ENOX1: variants seen among roughly 807,000 people sequenced by gnomAD.
ENOX1 encodes the protein ecto-NOX disulfide-thiol exchanger 1, also known as candidate growth-related and time keeping constitutive hydroquinone (NADH) oxidase.
A neutral mutation model predicts 82.5 loss-of-function variants in ENOX1; 42 were observed. The ratio of observed to expected loss-of-function variants is 0.51; its 90% CI spans 0.40 to 0.66. ENOX1 has a LOEUF of 0.66. Ranked by LOEUF, ENOX1 falls within the 30% of genes least tolerant of loss-of-function variation. ENOX1 has a pLI of 0.00. For missense variants in ENOX1, 608 were observed against 811.6 expected, an observed-to-expected ratio of 0.75 and a Z score of 3.05; for synonymous variants, 271 against 282.2, an observed-to-expected ratio of 0.96 and a Z score of 0.40.
chr13:43,542,507 C>T (rs1423767139), intron 2 of ENOX1, among the ~76,000 whole-genome samples: 2 of 149,646 alleles, frequency 1.3e-5, no homozygotes, highest in African/African-American at 5.0e-5. Flanking sequence ...ACGATCTTGG[C>T]TCACTGCAAC....
intron 2 of ENOX1, among the ~76,000 whole-genome samples, chr13:43,489,752 G>A (rs2076556426): frequency 6.6e-6 from 1 of 152,306 alleles, no homozygotes; most frequent in Middle Eastern, 3.4e-3. Context: ...GTCTCCTGGA[G>A]GCTTGGAGAC....
chr13:43,324,483 G>GA (rs1457253249), intron 10 of ENOX1, among the ~76,000 whole-genome samples: 2 of 152,136 alleles, frequency 1.3e-5, no homozygotes, highest in South Asian at 2.1e-4. Flanking sequence ...GGGAATGTGG[G>GA]AAAAAATCAA....
chr13:43,593,128 C>T (rs192514185), intron 2 of ENOX1, among the ~76,000 whole-genome samples: 201 of 152,242 alleles, frequency 1.3e-3, no homozygotes, highest in African/African-American at 4.7e-3. Flanking sequence ...GTAGAGAAGA[C>T]CAGCAGCCTA....
chr13:43,346,541 G>A (rs893638322), intron 8 of ENOX1, among the ~76,000 whole-genome samples: 1 of 152,198 alleles, frequency 6.6e-6, no homozygotes, highest in African/African-American at 2.4e-5. Context: ...CACTTACTGA[G>A]TATCGTAGCC....
At chr13:43,405,519 C>T (rs1162751018) in intron 5 of ENOX1, among the ~76,000 whole-genome samples, 2 of 152,156 alleles carry the variant, frequency 1.3e-5, no homozygotes, top group African/African-American at 4.8e-5. Context: ...AGCCATCTTA[C>T]CCATCCTTCT....
At chr13:43,708,285 A>AT in intron 1 of ENOX1, among the ~76,000 whole-genome samples, 1 of 152,194 alleles carries the variant, frequency 6.6e-6, no homozygotes, top group Non-Finnish European at 1.5e-5. Context: ...CGGACAGGCC[A>AT]TTGCGCATGT....
chr13:43,264,388 T>C (rs1033456604), intron 14 of ENOX1, among the ~76,000 whole-genome samples: 1 of 152,224 alleles, frequency 6.6e-6, no homozygotes, highest in Non-Finnish European at 1.5e-5. Context: ...ACTAGTCTTA[T>C]ATTTCTTTGT....
intron 2 of ENOX1, among the ~76,000 whole-genome samples, chr13:43,604,195 A>G (rs2081876183): frequency 6.6e-6 from 1 of 150,802 alleles, no homozygotes; most frequent in Non-Finnish European, 1.5e-5. Flanking sequence ...TCTTTTGAGA[A>G]GTGTCTGTTC....
chr13:43,379,133 C>T (rs143865668), intron 5 of ENOX1, among the ~76,000 whole-genome samples: 11 of 152,218 alleles, frequency 7.2e-5, no homozygotes, highest in African/African-American at 2.6e-4. Context: ...AGAAATGCAG[C>T]CCCGATGACA....
chr13:43,433,889 C>A (rs1485833350), intron 3 of ENOX1, among the ~76,000 whole-genome samples: 1 of 152,196 alleles, frequency 6.6e-6, no homozygotes, highest in East Asian at 1.9e-4. Flanking sequence ...GAGGAATGTG[C>A]TGGGTGATTA....
At chr13:43,551,791 C>T (rs1055343482) in intron 2 of ENOX1, among the ~76,000 whole-genome samples, 1 of 152,190 alleles carries the variant, frequency 6.6e-6, no homozygotes, top group Admixed American at 6.5e-5. Flanking sequence ...AGGATGGGCC[C>T]AGCACAATTG....
At chr13:43,522,301 C>A (rs560502189) in intron 2 of ENOX1, among the ~76,000 whole-genome samples, 2 of 152,090 alleles carry the variant, frequency 1.3e-5, no homozygotes, top group African/African-American at 2.4e-5. Context: ...GCTTAATGAG[C>A]TTTTTGTGTA....
chr13:43,219,623 C>T (rs1235541335), intron 16 of ENOX1, among the ~76,000 whole-genome samples: 1 of 152,214 alleles, frequency 6.6e-6, no homozygotes, highest in African/African-American at 2.4e-5. Context: ...AGGAAACAGG[C>T]TGTGTGTAAC....
At chr13:43,755,001 T>C (rs185627527) in intron 1 of ENOX1, among the ~76,000 whole-genome samples, 10 of 152,206 alleles carry the variant, frequency 6.6e-5, no homozygotes, top group Admixed American at 4.6e-4. Flanking sequence ...CTTGCTGCAT[T>C]GATTCTCCAC....
At chr13:43,246,607 G>A (rs1340762551) in intron 14 of ENOX1, among the ~76,000 whole-genome samples, 1 of 152,216 alleles carries the variant, frequency 6.6e-6, no homozygotes, top group East Asian at 1.9e-4. Context: ...AACAGGGAGG[G>A]ATTTCAAAGG....
intron 14 of ENOX1, among the ~76,000 whole-genome samples, chr13:43,256,931 G>T (rs929873721): frequency 6.6e-6 from 1 of 152,008 alleles, no homozygotes; most frequent in South Asian, 2.1e-4. Flanking sequence ...AATGGATAAA[G>T]AAACTGTGAT....
chr13:43,558,084 G>C (rs2079521076), intron 2 of ENOX1, among the ~76,000 whole-genome samples: 1 of 152,158 alleles, frequency 6.6e-6, no homozygotes, highest in Non-Finnish European at 1.5e-5. Context: ...TACTTGGAAG[G>C]CTGCTTCTGT....
intron 2 of ENOX1, among the ~76,000 whole-genome samples, chr13:43,586,125 G>A (rs2080969000): frequency 6.6e-6 from 1 of 152,150 alleles, no homozygotes; most frequent in South Asian, 2.1e-4. Context: ...ACTTCAGCCT[G>A]TGGCTCCTTA....
At chr13:43,349,181 C>T (rs887804713) in intron 8 of ENOX1, among the ~76,000 whole-genome samples, 3 of 152,250 alleles carry the variant, frequency 2.0e-5, no homozygotes, top group Middle Eastern at 3.4e-3. Context: ...CCATTATCTA[C>T]GAGAGATAGA....
Sources: allele counts gnomAD v4.1 joint callset (sites outside exome capture counted in the v4.1 genomes callset), GRCh38; gene constraint gnomAD v4.1.1; transcripts MANE v1.5; gene names NCBI Gene and HGNC (gene_info 2026-07-23, HGNC 2026-07-21).